Variants in PCDHA9 observed in about 807,000 individuals in gnomAD.
PCDHA9 encodes the protein protocadherin alpha-9.
In PCDHA9, 62 loss-of-function variants were observed where a neutral mutation model predicts 62.0. The observed-to-expected ratio is 1.00, with a 90% confidence interval of 0.81 to 1.23. PCDHA9 has a LOEUF of 1.23. Among genes scored for constraint, PCDHA9 ranks in the 50% most tolerant of loss-of-function variants. The pLI is 0.00. For missense variants in PCDHA9, 1,205 were observed against 1,249.8 expected (o/e 0.96, Z 0.54); for synonymous variants, 557 against 567.6 (o/e 0.98, Z 0.27).
intron 1 of PCDHA9, chr5:140,851,627 C>A: frequency 1.1e-6 from 1 of 918,296 alleles, no homozygotes. Context: ...GCTTTTTAAA[C>A]AAGTGTTTCC....
In PCDHA9 at chr5:140,849,939, G is replaced by T; in HGVS notation, c.1444G>T (p.Ala482Ser). The change falls in exon 1 of 4, where the codon GCT becomes TCT. Residue 482 changes from alanine (A) to serine (S), a missense_variant. Ala to Ser is a moderately conservative substitution (Grantham distance 99, BLOSUM62 1). Coordinates refer to ENST00000532602, the MANE Select transcript of PCDHA9 (RefSeq NM_031857.2). ...CHIFTVSARD[A>S]DAQENALVSY... ...CATCTTCACGGTGTCTGCGCGGGAC[G>T]CTGACGCGCAGGAGAACGCCCTGGT... The T allele has an allele frequency of 6.3e-7, 1 of 1,598,036 alleles. No homozygotes were observed. The highest frequency in any genetic ancestry group is 8.6e-7 in the Non-Finnish European group (1 of 1,167,746).
chr5:140,971,568 G>C (rs2096486593), intron 1 of PCDHA9, among the ~76,000 whole-genome samples: 1 of 152,074 alleles, frequency 6.6e-6, no homozygotes, highest in African/African-American at 2.4e-5. Flanking sequence ...CCCATGTTGG[G>C]CTTTCTTTTT....
chr5:140,858,219 C>A (rs1554151292), intron 1 of PCDHA9: 2 of 1,595,768 alleles, frequency 1.3e-6, no homozygotes, highest in Non-Finnish European at 8.6e-7. Flanking sequence ...TGCTCGGCGG[C>A]GCCCACCGAG....
intron 1 of PCDHA9, chr5:140,926,980 A>C: frequency 3.1e-6 from 5 of 1,610,364 alleles, no homozygotes; most frequent in Non-Finnish European, 4.2e-6. Flanking sequence ...GCCGGAGGAG[A>C]CGGAGCGGGG....
chr5:140,883,109 T>C (rs782237873), intron 1 of PCDHA9: 95 of 1,613,962 alleles, frequency 5.9e-5, no homozygotes, highest in Non-Finnish European at 8.0e-5. Context: ...AGTTTACTCA[T>C]TTAGAAGGCC....
intron 1 of PCDHA9, among the ~76,000 whole-genome samples, chr5:140,950,569 T>C (rs969438550): frequency 1.3e-5 from 2 of 152,120 alleles, no homozygotes; most frequent in African/African-American, 2.4e-5. Context: ...TATTTTAAGG[T>C]TTTCTACTTA....
At chr5:140,967,692 G>A (rs781940460) in intron 1 of PCDHA9, 12 of 1,614,196 alleles carry the variant, frequency 7.4e-6, no homozygotes, top group South Asian at 1.1e-5. Flanking sequence ...CAGCTCTTCA[G>A]CATAGATGCC....
chr5:140,888,077 A>T (rs575248983), intron 1 of PCDHA9, among the ~76,000 whole-genome samples: 2 of 152,238 alleles, frequency 1.3e-5, no homozygotes, highest in African/African-American at 4.8e-5. Flanking sequence ...TGCTAATTTC[A>T]ACATTTTTGT....
chr5:140,870,260 G>C, intron 1 of PCDHA9: 3 of 1,614,200 alleles, frequency 1.9e-6, no homozygotes, highest in Non-Finnish European at 2.5e-6. Flanking sequence ...CAGGTGACCT[G>C]CTCGCTGACG....
At chr5:140,957,386 T>C (rs1461790676) in intron 1 of PCDHA9, among the ~76,000 whole-genome samples, 1 of 152,226 alleles carries the variant, frequency 6.6e-6, no homozygotes, top group Non-Finnish European at 1.5e-5. Context: ...TGTATTGTTA[T>C]AATTGTCCTA....
chr5:140,955,839 A>G (rs527318905), intron 1 of PCDHA9, among the ~76,000 whole-genome samples: 8 of 152,162 alleles, frequency 5.3e-5, no homozygotes, highest in African/African-American at 1.9e-4. Flanking sequence ...GTGGTTTGTC[A>G]TTCTCCTTGA....
chr5:140,898,560 G>T lies in PCDHA9; in HGVS notation c.2394+47671G>T, dbSNP rs185604146. On this transcript the variant is annotated intron_variant, in intron 1 of 3. Coordinates refer to ENST00000532602, the MANE Select transcript of PCDHA9 (RefSeq NM_031857.2). ...TTCCATTTATCTATGTCTCTGTTTT[G>T]GTACCAGTGCCATGCTGTTTTGGTT... Among the ~76,000 whole-genome samples the T allele has an allele frequency of 5.1e-3, 775 of 152,210 alleles. 4 individuals carry two copies. The highest frequency in any genetic ancestry group is 8.5e-3 in the Non-Finnish European group (578 of 68,016).
intron 1 of PCDHA9, chr5:140,857,871 A>G (rs2044971374): frequency 6.3e-7 from 1 of 1,597,628 alleles, no homozygotes. Flanking sequence ...TGGCTGTCGT[A>G]TGAATTGCAG....
chr5:140,877,094 G>C, intron 1 of PCDHA9: 1 of 1,613,310 alleles, frequency 6.2e-7, no homozygotes, highest in Non-Finnish European at 8.5e-7. Flanking sequence ...CGCGACGCCG[G>C]CGTGCCGCCT....
At chr5:140,862,839 G>A in intron 1 of PCDHA9, 1 of 574,670 alleles carries the variant, frequency 1.7e-6, no homozygotes, top group Non-Finnish European at 3.3e-6. Flanking sequence ...ACGCGGGCAT[G>A]CCGCCTCTGA....
At chr5:140,899,518 C>T (rs546972156) in intron 1 of PCDHA9, among the ~76,000 whole-genome samples, 145 of 152,230 alleles carry the variant, frequency 9.5e-4, no homozygotes, top group African/African-American at 2.6e-3. Context: ...TATTGCATCC[C>T]AGGGATGAAG....
intron 1 of PCDHA9, among the ~76,000 whole-genome samples, chr5:140,919,230 A>G (rs56002): frequency 0.32 from 48,085 of 151,928 alleles, 7,955 homozygotes; most frequent in East Asian, 0.53. Flanking sequence ...TTCTAGTAAC[A>G]CTTTTTGTCT....
At chr5:140,899,983 T>C (rs1313036603) in intron 1 of PCDHA9, among the ~76,000 whole-genome samples, 5 of 151,754 alleles carry the variant, frequency 3.3e-5, no homozygotes, top group Non-Finnish European at 7.4e-5. Flanking sequence ...ACTTTTTTGA[T>C]TTTTTTTGTA....
chr5:140,868,940 A>G, intron 1 of PCDHA9: 1 of 1,249,402 alleles, frequency 8.0e-7, no homozygotes, highest in South Asian at 1.6e-5. Context: ...GGTTGGTCTG[A>G]ACAGTGAGGC....
Sources: allele counts gnomAD v4.1 joint callset (sites outside exome capture counted in the v4.1 genomes callset), GRCh38; gene constraint gnomAD v4.1.1; transcripts MANE v1.5; gene names NCBI Gene and HGNC (gene_info 2026-07-23, HGNC 2026-07-21).